Variants in PSTPIP2 observed in about 807,000 individuals in gnomAD.
PSTPIP2 encodes the protein proline-serine-threonine phosphatase interacting protein 2.
A neutral mutation model predicts 63.3 loss-of-function variants in PSTPIP2; 33 were observed. That is an observed-to-expected ratio of 0.52 (90% confidence interval 0.40 to 0.70). The LOEUF (loss-of-function observed/expected upper bound fraction) is 0.70, where lower values mean the gene tolerates loss of function less well. Among genes scored for constraint, PSTPIP2 ranks in the 30% least tolerant of loss-of-function variants. PSTPIP2 has a pLI of 0.00. For missense variants in PSTPIP2, 312 were observed against 400.7 expected (o/e 0.78, Z 1.89); for synonymous variants, 125 against 132.7 (o/e 0.94, Z 0.40).
At chr18:46,005,792 A>G (rs992736780) in intron 5 of PSTPIP2, among the ~76,000 whole-genome samples, 4 of 152,230 alleles carry the variant, frequency 2.6e-5, no homozygotes, top group African/African-American at 9.6e-5. Flanking sequence ...ATCACCTTAG[A>G]GCAGTCTCTT....
At chr18:46,029,079 T>C (rs1459943730) in intron 2 of PSTPIP2, 2 of 803,060 alleles carry the variant, frequency 2.5e-6, no homozygotes, top group African/African-American at 3.4e-5. Context: ...CCAGAGCACC[T>C]GTTTGGAAAG....
intron 2 of PSTPIP2, among the ~76,000 whole-genome samples, chr18:46,032,299 A>G (rs1326889779): frequency 1.3e-5 from 2 of 152,162 alleles, no homozygotes; most frequent in African/African-American, 4.8e-5. Flanking sequence ...CCAGATGAAA[A>G]TGTACAAAAT....
chr18:45,993,164 G>A (rs1369143866), intron 10 of PSTPIP2, among the ~76,000 whole-genome samples: 1 of 152,034 alleles, frequency 6.6e-6, no homozygotes, highest in African/African-American at 2.4e-5. Context: ...GCACGATCTT[G>A]GCTCACTGCA....
intron 2 of PSTPIP2, among the ~76,000 whole-genome samples, chr18:46,031,055 G>A (rs1419717114): frequency 1.3e-5 from 2 of 152,150 alleles, no homozygotes; most frequent in Non-Finnish European, 2.9e-5. Flanking sequence ...TTCATAGTGT[G>A]CCCTTCAGAT....
At chr18:46,065,661 T>A (rs2144137585) in intron 1 of PSTPIP2, among the ~76,000 whole-genome samples, 1 of 152,254 alleles carries the variant, frequency 6.6e-6, no homozygotes, top group African/African-American at 2.4e-5. Context: ...GAGACAGGGT[T>A]TCACCATATC....
chr18:46,058,806 C>A (rs535600753), intron 1 of PSTPIP2, among the ~76,000 whole-genome samples: 1 of 152,304 alleles, frequency 6.6e-6, no homozygotes, highest in Admixed American at 6.5e-5. Flanking sequence ...CTGTCACCAG[C>A]GGGGTGGGAC....
At chr18:45,991,872 T>G in intron 12 of PSTPIP2, 30 bp downstream of exon 12, 1 of 1,533,030 alleles carries the variant, frequency 6.5e-7, no homozygotes, top group African/African-American at 1.4e-5. Context: ...AAAAGTATTT[T>G]TCTTCATATG....
chr18:46,029,166 T>A (rs1191207459), intron 2 of PSTPIP2: 1 of 960,154 alleles, frequency 1.0e-6, no homozygotes, highest in Non-Finnish European at 1.7e-6. Flanking sequence ...CAAGGTTTTT[T>A]ATGTCTATGA....
chr18:46,050,272 A>G (rs1908541489), intron 1 of PSTPIP2, among the ~76,000 whole-genome samples: 1 of 152,232 alleles, frequency 6.6e-6, no homozygotes, highest in Non-Finnish European at 1.5e-5. Flanking sequence ...GTGCAGCATC[A>G]TAATGACAAA....
chr18:46,004,295 A>C (rs2051701984), intron 6 of PSTPIP2, among the ~76,000 whole-genome samples: 1 of 152,164 alleles, frequency 6.6e-6, no homozygotes, highest in African/African-American at 2.4e-5. Flanking sequence ...ACACTTCCCT[A>C]TTACATCCTA....
intron 3 of PSTPIP2, among the ~76,000 whole-genome samples, chr18:46,019,239 T>TTA (rs1047790016): frequency 3.9e-5 from 6 of 152,098 alleles, no homozygotes; most frequent in Non-Finnish European, 5.9e-5. Context: ...ATGCATCATT[T>TTA]TATATATATA....
intron 1 of PSTPIP2, among the ~76,000 whole-genome samples, chr18:46,043,650 C>G (rs1236106993): frequency 2.0e-5 from 3 of 152,070 alleles, no homozygotes; most frequent in African/African-American, 4.8e-5. Context: ...AATGTCCTAG[C>G]CAGTGCTAGG....
At chr18:46,043,591 A>C (rs1908273108) in intron 1 of PSTPIP2, among the ~76,000 whole-genome samples, 1 of 152,218 alleles carries the variant, frequency 6.6e-6, no homozygotes, top group Non-Finnish European at 1.5e-5. Flanking sequence ...TCCTAAGATC[A>C]GGAACAAGGC....
chr18:46,033,237 C>G (rs1907844858), intron 2 of PSTPIP2, among the ~76,000 whole-genome samples: 1 of 152,236 alleles, frequency 6.6e-6, no homozygotes. Context: ...CCAGTACATT[C>G]TTTTGGGCAC....
At chr18:45,987,821 A>G (rs1057407129) in intron 14 of PSTPIP2, among the ~76,000 whole-genome samples, 1 of 152,148 alleles carries the variant, frequency 6.6e-6, no homozygotes, top group Non-Finnish European at 1.5e-5. Context: ...CAAGCACCTG[A>G]GTGCCTAAGA....
At position 46,027,253 on chromosome 18, in the gene PSTPIP2, C is replaced by G. The variant is rs1907608081; in HGVS notation, c.135-2567G>C. ...GAGGTTACAGTGAGCTGAGATCGCA[C>G]TATTGCACTCCAGCCTGGGCGACAA... On this transcript the variant is annotated intron_variant, in intron 2 of 14. Coordinates refer to ENST00000409746, the MANE Select transcript of PSTPIP2 (RefSeq NM_024430.4). Among the ~76,000 whole-genome samples, 3 of 151,532 alleles carry G rather than the reference C, an allele frequency of 2.0e-5. No homozygotes were observed. The South Asian group carries it at 6.2e-4, about 32-fold the overall frequency.
chr18:46,029,281 AT>A (rs1326770755), intron 2 of PSTPIP2: 1 of 1,414,350 alleles, frequency 7.1e-7, no homozygotes, highest in Non-Finnish European at 1.0e-6. Context: ...TTGCTCATAA[AT>A]GGCATTGCTG....
Position 45,983,776 on chromosome 18 carries a change from C to A in PSTPIP2, c.*1683G>T, listed in dbSNP as rs962870884. 2.6e-5 allele frequency: 4 copies of A among 152,172 alleles called. No individual in the cohort carries two copies. Among genetic ancestry groups the A allele is most frequent in the African/African-American group, 9.7e-5 (4 of 41,438 alleles). The allele number at this position is 152,172 out of a possible 1,614,324, so 9.4% of individuals were successfully genotyped here. A position where few individuals can be genotyped will look rare whatever the true frequency, so the allele number is the denominator to read the frequency against. On this transcript the variant is annotated 3_prime_UTR_variant, in exon 15 of 15. Coordinates refer to ENST00000409746, the MANE Select transcript of PSTPIP2 (RefSeq NM_024430.4). ...TTTGGCCCTTTGCAAAATTCAGTTT[C>A]TCAAAAGGATATCCAACTGATGCAA... is the stretch of plus-strand genomic sequence containing the variant.
chr18:46,009,027 C>T (rs657920), intron 5 of PSTPIP2, among the ~76,000 whole-genome samples: 3 of 152,084 alleles, frequency 2.0e-5, no homozygotes, highest in East Asian at 1.9e-4. Flanking sequence ...CTTCCTCCCC[C>T]CCATCATGTA....
Sources: gnomAD v4.1 joint callset for allele counts (sites outside exome capture counted in the v4.1 genomes callset) on GRCh38, gnomAD v4.1.1 for gene constraint, MANE v1.5 for transcripts, NCBI Gene and HGNC (gene_info 2026-07-23, HGNC 2026-07-21) for gene names.